The following NDC1 variants were observed in gnomAD, a reference collection of about 807,000 sequenced individuals.
NDC1 encodes the protein NDC1 transmembrane nucleoporin, also known as nucleoporin NDC1.
In NDC1, 24 loss-of-function variants were observed where a neutral mutation model predicts 89.8. The observed-to-expected ratio is 0.27, with a 90% CI of 0.19 to 0.38. The LOEUF (loss-of-function observed/expected upper bound fraction) is 0.38, where lower values mean the gene tolerates loss of function less well. NDC1 is among the 10% of genes least tolerant of loss of function. NDC1 has a pLI of 1.00. For synonymous variants in NDC1, 296 were observed against 284.8 expected (o/e 1.04, Z -0.39); for missense variants, 728 against 797.6 (o/e 0.91, Z 1.05).
At position 53,796,910 on chromosome 1, in the gene NDC1, G is replaced by A; in HGVS notation, c.1457C>T (p.Thr486Ile). The A allele has an allele frequency of 6.2e-7, 1 of 1,613,872 alleles. No individual in the cohort carries two copies. Among genetic ancestry groups the A allele is most frequent in the South Asian group, 1.1e-5 (1 of 90,980 alleles). The change falls in exon 12 of 18, where the codon ACA (threonine) becomes ATA (isoleucine). Residue 486 changes from threonine (T) to isoleucine (I), a missense_variant. By Grantham distance (89) the Thr-to-Ile change is moderately conservative. Coordinates refer to ENST00000371429, the MANE Select transcript of NDC1 (RefSeq NM_018087.5). ...TATATAATTCTCACCAGAAGCTGATGTCCACAATCTTGGCCCCCTTCTTAT... is the reference window on the plus strand; with the variant it reads ...TATATAATTCTCACCAGAAGCTGATATCCACAATCTTGGCCCCCTTCTTAT... The part of the protein sequence containing the change: ...QLIRRGPRLW[T>I]SASDQQMTEF...
chr1:53,773,455 T>C (rs1647136250), intron 16 of NDC1, among the ~76,000 whole-genome samples: 1 of 152,202 alleles, frequency 6.6e-6, no homozygotes, highest in South Asian at 2.1e-4. Flanking sequence ...GTTTTTTAGT[T>C]TCTTCCAAGC....
intron 3 of NDC1, 67 bp from the exon 4 acceptor site, chr1:53,828,240 T>C (rs1648938849): frequency 4.4e-6 from 6 of 1,359,146 alleles, no homozygotes; most frequent in East Asian, 2.4e-5. Flanking sequence ...ATCTAAACTA[T>C]CCCCTCTCAT....
chr1:53,770,732 G>A (rs958733273), intron 17 of NDC1, among the ~76,000 whole-genome samples: 3 of 151,990 alleles, frequency 2.0e-5, no homozygotes, highest in African/African-American at 7.3e-5. Flanking sequence ...TCGGCTCACT[G>A]CAACCTCCGC....
chr1:53,781,001 G>C (rs957030448), intron 16 of NDC1, among the ~76,000 whole-genome samples: 1 of 151,758 alleles, frequency 6.6e-6, no homozygotes, highest in Non-Finnish European at 1.5e-5. Flanking sequence ...CTATAAGCTA[G>C]CATCATCACA....
chr1:53,800,118 C>A (rs1647853641), intron 11 of NDC1, among the ~76,000 whole-genome samples: 1 of 151,992 alleles, frequency 6.6e-6, no homozygotes, highest in Non-Finnish European at 1.5e-5. Flanking sequence ...TTAATGCTAC[C>A]ACCACACTGA....
chr1:53,819,698 T>C (rs1010617497), intron 5 of NDC1, among the ~76,000 whole-genome samples: 70 of 152,244 alleles, frequency 4.6e-4, no homozygotes, highest in African/African-American at 1.4e-3. Context: ...AAGAAGACAC[T>C]AGCCTAGGAA....
At chr1:53,827,587 T>G (rs752476301) in intron 4 of NDC1, among the ~76,000 whole-genome samples, 10 of 152,246 alleles carry the variant, frequency 6.6e-5, no homozygotes, top group Non-Finnish European at 1.0e-4. Context: ...TTCTTCATTC[T>G]TTCCATACTA....
intron 5 of NDC1, among the ~76,000 whole-genome samples, chr1:53,821,544 T>C (rs997207819): frequency 3.3e-5 from 5 of 152,340 alleles, no homozygotes; most frequent in African/African-American, 1.2e-4. Context: ...AAGTACAAGA[T>C]GTGGAATTGC....
chr1:53,783,712 A>C (rs1389640861), intron 16 of NDC1, among the ~76,000 whole-genome samples: 1 of 152,172 alleles, frequency 6.6e-6, no homozygotes, highest in Non-Finnish European at 1.5e-5. Context: ...AGAGGGGTTT[A>C]ATACTGTGAG....
chr1:53,787,127 T>C (rs202006036), intron 16 of NDC1, 31 bp downstream of exon 16: 2 of 1,231,476 alleles, frequency 1.6e-6, no homozygotes, highest in South Asian at 1.3e-5. Flanking sequence ...GAAGATGACC[T>C]CTACCCCCTC....
At chr1:53,805,246 C>G (rs1032122404) in intron 9 of NDC1, among the ~76,000 whole-genome samples, 1 of 152,190 alleles carries the variant, frequency 6.6e-6, no homozygotes, top group Non-Finnish European at 1.5e-5. Flanking sequence ...AGTGCAGTGG[C>G]AGGCTAGAGT....
At chr1:53,786,151 C>A (rs1647300156) in intron 16 of NDC1, among the ~76,000 whole-genome samples, 2 of 152,072 alleles carry the variant, frequency 1.3e-5, no homozygotes, top group African/African-American at 4.8e-5. Flanking sequence ...GTCTTGAACT[C>A]CTGAGCTCAG....
At chr1:53,783,510 C>G (rs1302681916) in intron 16 of NDC1, among the ~76,000 whole-genome samples, 1 of 152,138 alleles carries the variant, frequency 6.6e-6, no homozygotes, top group African/African-American at 2.4e-5. Context: ...TTCTACTCTG[C>G]CCCTCGAAAG....
At chr1:53,787,112 G>T in intron 16 of NDC1, 46 bp downstream of exon 16, 2 of 933,114 alleles carry the variant, frequency 2.1e-6, no homozygotes, top group Non-Finnish European at 1.7e-6. Context: ...CACTGGGTGG[G>T]AGGGGAAGAT....
intron 6 of NDC1, among the ~76,000 whole-genome samples, chr1:53,814,078 G>A (rs1648399044): frequency 6.6e-6 from 1 of 152,166 alleles, no homozygotes; most frequent in Non-Finnish European, 1.5e-5. Flanking sequence ...TTTTGGCTGG[G>A]CGCAGTGGCT....
chr1:53,831,399 C>T (rs535649638), intron 3 of NDC1, among the ~76,000 whole-genome samples: 9 of 152,026 alleles, frequency 5.9e-5, no homozygotes, highest in African/African-American at 2.2e-4. Context: ...GGAAAATGGG[C>T]TGGGTGCAGT....
chr1:53,784,224 T>TACAC (rs66868896), intron 16 of NDC1, among the ~76,000 whole-genome samples: 9,270 of 149,386 alleles, frequency 0.062, 334 homozygotes, highest in East Asian at 0.11. Context: ...TTCTGTTATC[T>TACAC]ACACACACAC....
intron 10 of NDC1, among the ~76,000 whole-genome samples, chr1:53,803,160 GGCTCAAGCAATCCTCCCAGCTCA>G (rs1159609593): frequency 6.6e-6 from 1 of 152,002 alleles, no homozygotes; most frequent in African/African-American, 2.4e-5. Flanking sequence ...CAACCTCCTG[GGCTCAAGCAATCCTCCCAGCTCA>G]GCTCCTCAAG....
intron 15 of NDC1, 136 bp from the exon 16 acceptor site, chr1:53,787,394 A>C (rs1285916175): frequency 1.8e-6 from 1 of 552,716 alleles, no homozygotes; most frequent in Non-Finnish European, 3.2e-6. Flanking sequence ...CACACCTGTA[A>C]TCCTAGCACT....
Sources: gnomAD v4.1 joint callset for allele counts (sites outside exome capture counted in the v4.1 genomes callset) on GRCh38, gnomAD v4.1.1 for gene constraint, MANE v1.5 for transcripts, NCBI Gene and HGNC (gene_info 2026-07-23, HGNC 2026-07-21) for gene names.